ABCC6: variants seen among roughly 807,000 people sequenced by gnomAD.
ABCC6 encodes ATP binding cassette subfamily C member 6, also known as ATP-binding cassette sub-family C member 6.
In ABCC6, 126 loss-of-function variants were observed where a neutral mutation model predicts 169.5. The observed-to-expected ratio is 0.74, with a 90% CI of 0.64 to 0.86. The LOEUF (loss-of-function observed/expected upper bound fraction) is 0.86, where lower values mean the gene tolerates loss of function less well. ABCC6 is among the 40% of genes least tolerant of loss of function. The probability of loss-of-function intolerance (pLI) is 0.00; values close to 1 mark genes in which losing one functional copy is unlikely to be tolerated. For synonymous variants in ABCC6, 752 were observed against 814.7 expected, an observed-to-expected ratio of 0.92 and a Z score of 1.31; for missense variants, 1,733 against 1,927.2, an observed-to-expected ratio of 0.90 and a Z score of 1.89.
intron 14 of ABCC6, 26 bp downstream of exon 14, chr16:16,187,098 C>T (rs1476485144): frequency 3.1e-6 from 5 of 1,597,228 alleles, no homozygotes; most frequent in Non-Finnish European, 4.3e-6. Context: ...CCCTCCCACA[C>T]CCCTCCTGCC....
intron 26 of ABCC6, 64 bp downstream of exon 26, chr16:16,159,418 G>A (rs2046641797): frequency 7.5e-7 from 1 of 1,336,608 alleles, no homozygotes; most frequent in Middle Eastern, 1.8e-4. Flanking sequence ...TGTCAACAGG[G>A]ACCCATTGCC....
intron 27 of ABCC6, 162 bp from the exon 28 acceptor site, chr16:16,155,193 C>T: frequency 1.3e-6 from 1 of 773,322 alleles, no homozygotes; most frequent in Non-Finnish European, 2.1e-6. Flanking sequence ...TATATATCCA[C>T]CCATCAATCC....
intron 2 of ABCC6, 137 bp from the exon 3 acceptor site, chr16:16,220,084 C>T: frequency 1.4e-6 from 1 of 693,076 alleles, no homozygotes; most frequent in Non-Finnish European, 2.5e-6. Context: ...CACCAGCTAG[C>T]AACGTGCCAA....
chr16:16,193,063 G>A lies in ABCC6; in HGVS notation c.1339-141C>T, dbSNP rs1596687907. The A allele has an allele frequency of 3.2e-5, 22 of 693,874 alleles. No homozygotes were observed. In the East Asian group the frequency reaches 5.9e-4, roughly 19 times the overall value. 43.0% of individuals were successfully genotyped at this position (693,874 alleles called of 1,614,324 possible). ...ACTGGGCTGCATTCCCAGACGGTTA[G>A]GGTATTGTAAGTCACAGGATGAGAT... On this transcript the variant is annotated intron_variant, in intron 10 of 30. Transcript: ENST00000205557.
chr16:16,178,465 A>C (rs768629851), intron 18 of ABCC6, among the ~76,000 whole-genome samples: 1 of 152,060 alleles, frequency 6.6e-6, no homozygotes, highest in Non-Finnish European at 1.5e-5. Flanking sequence ...TTTCTTGTAA[A>C]CAGCATATCC....
chr16:16,221,618 C>T (rs1179663127), intron 2 of ABCC6, 31 bp downstream of exon 2: 2 of 1,612,612 alleles, frequency 1.2e-6, no homozygotes, highest in East Asian at 4.5e-5. Context: ...CGAACATTGC[C>T]TGGTTCCAGG....
At chr16:16,164,974 G>A (rs1336139877) in intron 23 of ABCC6, among the ~76,000 whole-genome samples, 3 of 152,238 alleles carry the variant, frequency 2.0e-5, no homozygotes, top group East Asian at 1.9e-4. Context: ...TTAGTTGGTT[G>A]CTGGTCCCAG....
chr16:16,150,783 T>C lies in ABCC6; in HGVS notation c.4209-11A>G, dbSNP rs755951076. 29 of 1,612,806 alleles carry C rather than the reference T, an allele frequency of 1.8e-5. No individual in the cohort carries two copies. The highest frequency in any genetic ancestry group is 5.3e-5 in the African/African-American group (4 of 74,914). On this transcript the variant is annotated splice_polypyrimidine_tract_variant and intron_variant, in intron 29 of 30. Transcript: ENST00000205557. ...TGTTTCTGGCCCACGCTGGGAACGA[T>C]TGGGACAATTAGCTGGGACGTGCGT...
rs572010361 is a variant in ABCC6, at chr16:16,161,509, T to G, written c.3562A>C (p.Thr1188Pro). Reference protein sequence around the residue: ...LGNGLVFAAATCAVLSKAHLS... With the variant: ...LGNGLVFAAAPCAVLSKAHLS... ...TGGGCTTTGCTCAGCACAGCACACG[T>G]GGCAGCTGCAAACACCAGGCCATTC... Residue 1188 changes from threonine to proline, a missense_variant, in exon 25 of 31, where the codon ACG becomes CCG. Transcript: ENST00000205557. 6.2e-7 allele frequency: 1 copy of G among 1,613,948 alleles called. No individual in the cohort carries two copies. Among genetic ancestry groups the G allele is most frequent in the African/African-American group, 1.3e-5 (1 of 75,036 alleles).
rs376219152 is a variant in ABCC6, at chr16:16,219,554, C to T, written c.474G>A (p.Ala158=). 38 of 1,596,764 alleles carry T rather than the reference C, an allele frequency of 2.4e-5. 1 individual carries two copies. Among genetic ancestry groups the T allele is most frequent in the South Asian group, 1.8e-4 (16 of 88,458 alleles). ...CAGGGTGGCCCACGCCCCGACTTAC[C>T]GCTCCGGAGGCCTGCTGGGCAGCGT... ...ATNAAQQASG[A]GFQSDPVRHL... The change falls in exon 4 of 31, where the codon GCG becomes GCA. Residue 158 remains alanine (A), a splice_region_variant and synonymous_variant. Coordinates refer to ENST00000205557, the MANE Select transcript of ABCC6 (RefSeq NM_001171.6).
chr16:16,211,053 C>T (rs2048596592), intron 6 of ABCC6, among the ~76,000 whole-genome samples: 2 of 151,374 alleles, frequency 1.3e-5, no homozygotes, highest in South Asian at 2.1e-4. Context: ...TGAGATTGTG[C>T]CATTGCACTG....
chr16:16,161,618 G>A (rs2046721834), intron 24 of ABCC6, 54 bp from the exon 25 acceptor site: 2 of 1,611,134 alleles, frequency 1.2e-6, no homozygotes, highest in Admixed American at 1.7e-5. Flanking sequence ...GCAGGGAGAT[G>A]CTTCTCTGGG....
chr16:16,172,278 GGTGGGATGCATAAATGAGTGA>G lies in ABCC6; in HGVS notation c.2787+985_2787+1005del, dbSNP rs2047128154. ...GGTGGGTGGGATGGATAAATGAGTG[GGTGGGATGCATAAATGAGTGA>G]GTGGGATGGATAAATGGGTATGAGT... On this transcript the variant is annotated intron_variant, in intron 21 of 30. Coordinates refer to ENST00000205557, the MANE Select transcript of ABCC6 (RefSeq NM_001171.6). Among the ~76,000 whole-genome samples, 4 of 138,914 alleles carry G rather than the reference GGTGGGATGCATAAATGAGTGA, an allele frequency of 2.9e-5. 2 individuals carry two copies. Among genetic ancestry groups the G allele is most frequent in the African/African-American group, 5.4e-5 (2 of 37,358 alleles). 91.1% of individuals were successfully genotyped at this position (138,914 alleles called of 152,430 possible). A position where few individuals can be genotyped will look rare whatever the true frequency, so the allele number is the denominator to read the frequency against.
chr16:16,196,967 T>C (rs1310653154), intron 10 of ABCC6, among the ~76,000 whole-genome samples: 1 of 152,148 alleles, frequency 6.6e-6, no homozygotes, highest in African/African-American at 2.4e-5. Flanking sequence ...GCTGAGATTA[T>C]AGGCATGAGC....
intron 19 of ABCC6, 39 bp from the exon 20 acceptor site, chr16:16,176,025 A>G (rs2047268139): frequency 3.1e-6 from 5 of 1,598,624 alleles, no homozygotes; most frequent in Middle Eastern, 1.7e-4. Context: ...AACACGGCCC[A>G]GATACCCACT....
intron 18 of ABCC6, 122 bp from the exon 19 acceptor site, chr16:16,177,748 G>T: frequency 1.6e-6 from 2 of 1,232,370 alleles, no homozygotes; most frequent in Non-Finnish European, 2.3e-6. Flanking sequence ...TTCGAGACCA[G>T]CCTGGCTGAC....
At chr16:16,188,504 AC>A (rs1353219723) in intron 13 of ABCC6, among the ~76,000 whole-genome samples, 7 of 152,224 alleles carry the variant, frequency 4.6e-5, no homozygotes, top group Non-Finnish European at 8.8e-5. Flanking sequence ...AGGAAGAGAA[AC>A]AAAATCGCTT....
At chr16:16,187,907 T>TTAAATAAATAAA (rs200447479) in intron 13 of ABCC6, among the ~76,000 whole-genome samples, 3 of 86,238 alleles carry the variant, frequency 3.5e-5, no homozygotes, top group African/African-American at 4.5e-5. Context: ...AATAAATAAA[T>TTAAATAAATAAA]TAAATAAATA....
intron 17 of ABCC6, among the ~76,000 whole-genome samples, chr16:16,180,833 G>C (rs894357079): frequency 6.6e-6 from 1 of 152,082 alleles, no homozygotes; most frequent in Non-Finnish European, 1.5e-5. Context: ...AATAACCACT[G>C]CCTCGTTATC....
Sources: allele counts gnomAD v4.1 joint callset (sites outside exome capture counted in the v4.1 genomes callset), GRCh38; gene constraint gnomAD v4.1.1; transcripts MANE v1.5; gene names NCBI Gene and HGNC (gene_info 2026-07-23, HGNC 2026-07-21).